The following RASA1 variants were observed in gnomAD, a reference collection of about 807,000 sequenced individuals.
The protein encoded by RASA1 is RAS p21 protein activator 1, also known as ras GTPase-activating protein 1.
In RASA1, 25 loss-of-function variants were observed where a neutral mutation model predicts 132.2. The observed-to-expected ratio is 0.19, with a 90% CI of 0.14 to 0.26. The LOEUF (loss-of-function observed/expected upper bound fraction) is 0.26, where lower values mean the gene tolerates loss of function less well. Among genes scored for constraint, RASA1 ranks in the 10% least tolerant of loss-of-function variants. The pLI, the probability that RASA1 is intolerant of heterozygous loss-of-function variation, is 1.00. For synonymous variants in RASA1, 477 were observed against 449.9 expected, an observed-to-expected ratio of 1.06 and a Z score of -0.76; for missense variants, 964 against 1,299.2, an observed-to-expected ratio of 0.74 and a Z score of 3.97.
At chr5:87,317,972 T>G (rs896033287) in intron 1 of RASA1, among the ~76,000 whole-genome samples, 1 of 152,170 alleles carries the variant, frequency 6.6e-6, no homozygotes, top group African/African-American at 2.4e-5. Flanking sequence ...TTTTCCCATT[T>G]TTTTTAGAGC....
Position 87,383,697 on chromosome 5 carries a change from T to C in RASA1, c.2691-16T>C, listed in dbSNP as rs969967865. 6.3e-7 allele frequency: 1 copy of C among 1,576,320 alleles called. No individual in the cohort carries two copies. On this transcript the variant is annotated splice_polypyrimidine_tract_variant and intron_variant, in intron 20 of 24. Transcript: ENST00000274376. ...GTTTTCTAAAAAAAAAAAAAAAAAA[T>C]TTCCCTCCCATTCAGTGGTTTTGTT... is the stretch of plus-strand genomic sequence containing the variant.
chr5:87,329,213 G>C (rs1211305188), intron 1 of RASA1, among the ~76,000 whole-genome samples: 1 of 151,852 alleles, frequency 6.6e-6, no homozygotes, highest in East Asian at 1.9e-4. Flanking sequence ...GGAAGGCTGA[G>C]GTGAGCAGAT....
intron 1 of RASA1, among the ~76,000 whole-genome samples, chr5:87,275,854 C>G (rs186997837): frequency 6.6e-6 from 1 of 152,300 alleles, no homozygotes; most frequent in African/African-American, 2.4e-5. Context: ...AGGCATGAGC[C>G]ACTGTGCCCA....
intron 2 of RASA1, 35 bp downstream of exon 2, chr5:87,331,535 G>A (rs772211616): frequency 1.9e-6 from 3 of 1,600,968 alleles, no homozygotes; most frequent in Middle Eastern, 1.7e-4. Flanking sequence ...GCCAAATGAT[G>A]TAGCTATTTT....
intron 1 of RASA1, among the ~76,000 whole-genome samples, chr5:87,310,251 G>C (rs897303874): frequency 2.0e-5 from 3 of 151,744 alleles, no homozygotes; most frequent in African/African-American, 7.3e-5. Context: ...AGAAAATAAG[G>C]AATTTTAAAA....
chr5:87,339,935 A>G (rs925775267), intron 5 of RASA1, among the ~76,000 whole-genome samples: 1 of 152,068 alleles, frequency 6.6e-6, no homozygotes, highest in East Asian at 1.9e-4. Flanking sequence ...TAGTGGTTAG[A>G]TTTAAGGAAT....
At chr5:87,272,079 G>A (rs1460215477) in intron 1 of RASA1, among the ~76,000 whole-genome samples, 1 of 151,812 alleles carries the variant, frequency 6.6e-6, no homozygotes, top group Non-Finnish European at 1.5e-5. Flanking sequence ...AACCAGGGAG[G>A]GGGCGGTTGC....
In RASA1 at chr5:87,378,496, A is replaced by G; in HGVS notation, c.2445A>G (p.Lys815=). Residue 815 remains lysine, a synonymous_variant, in exon 18 of 25, where the codon AAA becomes AAG. Transcript: ENST00000274376. ...CACAGTTTGTTCATCATGCTTTGAA[A>G]GACTCTATTTTAAAGATAATGGAAA... ...TATQFVHHAL[K]DSILKIMESK... 6.2e-7 allele frequency: 1 copy of G among 1,612,118 alleles called. No individual in the cohort carries two copies. The highest frequency in any genetic ancestry group is 8.5e-7 in the Non-Finnish European group (1 of 1,178,240).
At chr5:87,379,878 G>T in intron 19 of RASA1, 28 bp downstream of exon 19, 1 of 1,602,378 alleles carries the variant, frequency 6.2e-7, no homozygotes, top group Non-Finnish European at 8.5e-7. Flanking sequence ...CATTTGACAA[G>T]AAATTGTGTA....
intron 6 of RASA1, among the ~76,000 whole-genome samples, chr5:87,344,886 T>A (rs1286331099): frequency 6.6e-6 from 1 of 152,034 alleles, no homozygotes; most frequent in Non-Finnish European, 1.5e-5. Flanking sequence ...CTTAGCTCAT[T>A]CATCACTTCC....
At chr5:87,346,879 T>C (rs1475185330) in intron 7 of RASA1, among the ~76,000 whole-genome samples, 155 bp downstream of exon 7, 3 of 152,092 alleles carry the variant, frequency 2.0e-5, no homozygotes, top group Non-Finnish European at 4.4e-5. Flanking sequence ...TTTTTATTTA[T>C]ATTTTAAACA....
At position 87,380,605 on chromosome 5, in the gene RASA1, A is replaced by G. The variant is rs761091793; in HGVS notation, c.2690+10A>G. ...GAACAAGAGTTGTTAGGTAAGGCTC[A>G]TCAATTGATTTGTTAAATCACATAC... On this transcript the variant is annotated intron_variant, in intron 20 of 24. Coordinates refer to ENST00000274376, the MANE Select transcript of RASA1 (RefSeq NM_002890.3). 3.1e-6 allele frequency: 5 copies of G among 1,598,404 alleles called. No homozygotes were observed. The highest frequency in any genetic ancestry group is 4.3e-6 in the Non-Finnish European group (5 of 1,165,944).
intron 9 of RASA1, among the ~76,000 whole-genome samples, chr5:87,359,321 A>G (rs1288782826): frequency 6.6e-6 from 1 of 152,172 alleles, no homozygotes; most frequent in African/African-American, 2.4e-5. Context: ...CTTGGGAGGA[A>G]TGTAAAAAAT....
chr5:87,270,458 C>T (rs2112226113), intron 1 of RASA1, among the ~76,000 whole-genome samples: 1 of 150,290 alleles, frequency 6.7e-6, no homozygotes, highest in South Asian at 2.1e-4. Context: ...AGAGATTCTC[C>T]TGCTTCAGCC....
intron 22 of RASA1, 97 bp from the exon 23 acceptor site, chr5:87,386,729 A>G: frequency 1.0e-6 from 1 of 999,826 alleles, no homozygotes; most frequent in African/African-American, 1.6e-5. Flanking sequence ...TAGTAATTGC[A>G]GTTTTTGCTG....
At chr5:87,377,176 A>G (rs1456016681) in intron 17 of RASA1, 136 bp downstream of exon 17, 14 of 1,173,376 alleles carry the variant, frequency 1.2e-5, no homozygotes, top group Non-Finnish European at 2.4e-6. Context: ...TCCCTCCTTA[A>G]AAATTGCAGT....
rs145615733 is a variant in RASA1, at chr5:87,340,987, T to C, written c.1018-303T>C. 1.3e-4 allele frequency among the ~76,000 whole-genome samples: 19 copies of C among 151,906 alleles called. No homozygotes were observed. In the East Asian group the frequency reaches 3.5e-3, roughly 28 times the overall value. On this transcript the variant is annotated intron_variant, in intron 5 of 24. Coordinates refer to ENST00000274376, the MANE Select transcript of RASA1 (RefSeq NM_002890.3). ...TTTTTTTTTGTTTGGTTTTTCTTAA[T>C]GTAGGGCACAGCTGCTGTTGAAACT...
intron 1 of RASA1, among the ~76,000 whole-genome samples, chr5:87,316,590 A>G (rs1756358867): frequency 6.6e-6 from 1 of 152,102 alleles, no homozygotes; most frequent in African/African-American, 2.4e-5. Context: ...GACCTGTCCC[A>G]CAGAGACTTG....
At chr5:87,275,598 A>G (rs1279455200) in intron 1 of RASA1, among the ~76,000 whole-genome samples, 4 of 150,590 alleles carry the variant, frequency 2.7e-5, no homozygotes, top group Non-Finnish European at 5.9e-5. Context: ...CCCCCCTGAG[A>G]TGGAGTCTTG....
Sources: gnomAD v4.1 joint callset for allele counts (sites outside exome capture counted in the v4.1 genomes callset) on GRCh38, gnomAD v4.1.1 for gene constraint, MANE v1.5 for transcripts, NCBI Gene and HGNC (gene_info 2026-07-23, HGNC 2026-07-21) for gene names.